KCNQ5: variants seen among roughly 807,000 people sequenced by gnomAD.
KCNQ5 encodes the protein potassium voltage-gated channel subfamily KQT member 5.
In KCNQ5, 30 loss-of-function variants were observed where a neutral mutation model predicts 98.2. That is an observed-to-expected ratio of 0.31 (90% CI 0.23 to 0.41). The LOEUF (loss-of-function observed/expected upper bound fraction) is 0.41. Among genes scored for constraint, KCNQ5 ranks in the 10% least tolerant of loss-of-function variants. The pLI is 1.00. For synonymous variants in KCNQ5, 458 were observed against 449.4 expected, an observed-to-expected ratio of 1.02 and a Z score of -0.24; for missense variants, 835 against 1,182.5, an observed-to-expected ratio of 0.71 and a Z score of 4.31.
In KCNQ5 at chr6:72,821,145, G is replaced by A. The variant is rs78199621; in HGVS notation, c.399-182763G>A. Among the ~76,000 whole-genome samples, 354 of 152,304 alleles carry A rather than the reference G, an allele frequency of 2.3e-3. 2 individuals are homozygous for A. Among genetic ancestry groups the A allele is most frequent in the African/African-American group, 8.3e-3 (344 of 41,566 alleles). ...AAGCAGTAAACCACAAGGGACAGAT[G>A]GTAGAGGTGTGTCAGGGGTTGCAAC... On this transcript the variant is annotated intron_variant, in intron 1 of 13. Transcript: ENST00000370398.
intron 9 of KCNQ5, among the ~76,000 whole-genome samples, chr6:73,131,307 T>A (rs1776227053): frequency 6.6e-6 from 1 of 152,158 alleles, no homozygotes; most frequent in African/African-American, 2.4e-5. Flanking sequence ...ATTTCTTATG[T>A]ATTTAGTTGA....
intron 1 of KCNQ5, among the ~76,000 whole-genome samples, chr6:72,913,414 A>T (rs546599764): frequency 1.3e-5 from 2 of 152,018 alleles, no homozygotes; most frequent in Admixed American, 1.3e-4. Context: ...TCCCATTTGT[A>T]TTCTGAGGAC....
At chr6:72,702,637 T>C (rs1471345594) in intron 1 of KCNQ5, among the ~76,000 whole-genome samples, 2 of 152,218 alleles carry the variant, frequency 1.3e-5, no homozygotes, top group Non-Finnish European at 2.9e-5. Flanking sequence ...AGATAAGTTG[T>C]GATGTTCTCC....
chr6:73,047,562 G>A (rs1262785313), intron 3 of KCNQ5, among the ~76,000 whole-genome samples: 1 of 152,204 alleles, frequency 6.6e-6, no homozygotes, highest in Non-Finnish European at 1.5e-5. Flanking sequence ...AGCTGATATG[G>A]TTGGACCACA....
chr6:72,763,923 T>C (rs1561968000), intron 1 of KCNQ5, among the ~76,000 whole-genome samples: 1 of 152,012 alleles, frequency 6.6e-6, no homozygotes, highest in South Asian at 2.1e-4. Flanking sequence ...CTTTTCACTT[T>C]TGTCTCCATT....
chr6:72,867,647 G>A (rs1301384290), intron 1 of KCNQ5, among the ~76,000 whole-genome samples: 2 of 152,074 alleles, frequency 1.3e-5, no homozygotes, highest in Admixed American at 6.6e-5. Flanking sequence ...CCAAATAACT[G>A]GAGATTCTGG....
intron 1 of KCNQ5, among the ~76,000 whole-genome samples, chr6:72,825,221 T>C (rs555485878): frequency 2.0e-5 from 3 of 152,126 alleles, no homozygotes; most frequent in Middle Eastern, 3.2e-3. Flanking sequence ...AAATCTACTT[T>C]GCAAAGAGAG....
chr6:73,064,122 G>A (rs565219574), intron 3 of KCNQ5, among the ~76,000 whole-genome samples: 4 of 152,076 alleles, frequency 2.6e-5, no homozygotes, highest in Admixed American at 6.5e-5. Context: ...TGTAACATCC[G>A]AGTAACACAG....
At chr6:72,861,366 T>C (rs1777756227) in intron 1 of KCNQ5, among the ~76,000 whole-genome samples, 1 of 152,096 alleles carries the variant, frequency 6.6e-6, no homozygotes, top group South Asian at 2.1e-4. Flanking sequence ...AATTGAAATA[T>C]GTAGAAGAAA....
At chr6:72,822,373 A>G (rs1232810039) in intron 1 of KCNQ5, among the ~76,000 whole-genome samples, 1 of 152,230 alleles carries the variant, frequency 6.6e-6, no homozygotes, top group African/African-American at 2.4e-5. Flanking sequence ...TTAGGGATTT[A>G]CTAACTGATA....
intron 1 of KCNQ5, among the ~76,000 whole-genome samples, chr6:72,958,462 A>T (rs1007763362): frequency 6.6e-6 from 1 of 152,314 alleles, no homozygotes; most frequent in East Asian, 1.9e-4. Flanking sequence ...CATCATATCC[A>T]TGGGCACAAT....
chr6:72,702,413 A>G (rs1768858868), intron 1 of KCNQ5, among the ~76,000 whole-genome samples: 1 of 152,212 alleles, frequency 6.6e-6, no homozygotes. Flanking sequence ...TTAAGGAAAT[A>G]CAAGGTTTTT....
intron 2 of KCNQ5, among the ~76,000 whole-genome samples, chr6:73,007,571 T>C (rs892423636): frequency 6.6e-6 from 1 of 152,166 alleles, no homozygotes; most frequent in African/African-American, 2.4e-5. Flanking sequence ...GCTTAGATGG[T>C]AAGTTGCAGT....
chr6:72,733,420 A>G (rs1770656818), intron 1 of KCNQ5, among the ~76,000 whole-genome samples: 1 of 152,248 alleles, frequency 6.6e-6, no homozygotes, highest in South Asian at 2.1e-4. Flanking sequence ...TAGCTTTAGC[A>G]GAAAGATAAG....
intron 3 of KCNQ5, among the ~76,000 whole-genome samples, chr6:73,053,936 T>C (rs1327388802): frequency 6.6e-6 from 1 of 151,652 alleles, no homozygotes; most frequent in Non-Finnish European, 1.5e-5. Context: ...ATAAATAAGA[T>C]AGATAAAATG....
chr6:73,011,805 G>T (rs944693075), intron 2 of KCNQ5, among the ~76,000 whole-genome samples: 2 of 151,746 alleles, frequency 1.3e-5, no homozygotes, highest in African/African-American at 4.8e-5. Context: ...AATGAGCAAA[G>T]GACTTGAATA....
intron 3 of KCNQ5, chr6:73,055,972 G>A (rs1200260529): frequency 3.7e-5 from 15 of 400,706 alleles, no homozygotes; most frequent in East Asian, 3.6e-4. Flanking sequence ...GATGGGGACC[G>A]GTGGCTCCCA....
chr6:72,634,742 ATTT>A (rs1369838089), intron 1 of KCNQ5, among the ~76,000 whole-genome samples: 2 of 151,690 alleles, frequency 1.3e-5, no homozygotes, highest in Non-Finnish European at 2.9e-5. Context: ...ATATTTTTGT[ATTT>A]TTAGTAGAGA....
chr6:73,181,843 C>T (rs929423177), intron 11 of KCNQ5, among the ~76,000 whole-genome samples: 1 of 152,190 alleles, frequency 6.6e-6, no homozygotes, highest in African/African-American at 2.4e-5. Context: ...CCTCTCTGTG[C>T]CTCAGTTTCT....
Sources: allele counts gnomAD v4.1 joint callset (sites outside exome capture counted in the v4.1 genomes callset), GRCh38; gene constraint gnomAD v4.1.1; transcripts MANE v1.5; gene names NCBI Gene and HGNC (gene_info 2026-07-23, HGNC 2026-07-21).